SLIT3: variants seen among roughly 807,000 people sequenced by gnomAD.
SLIT3 encodes the protein slit guidance ligand 3.
Under a neutral mutation model 184.0 loss-of-function variants are expected in SLIT3, and 68 were observed. The ratio of observed to expected loss-of-function variants is 0.37; its 90% CI spans 0.30 to 0.45. The LOEUF (loss-of-function observed/expected upper bound fraction) is 0.45, where lower values mean the gene tolerates loss of function less well. SLIT3 is among the 20% of genes least tolerant of loss of function. The pLI, the probability that SLIT3 is intolerant of heterozygous loss-of-function variation, is 1.00. For synonymous variants in SLIT3, 831 were observed against 828.6 expected (o/e 1.00, Z -0.05); for missense variants, 1,707 against 2,026.0 (o/e 0.84, Z 3.02).
At chr5:168,717,777 C>T (rs1762789982) in intron 23 of SLIT3, among the ~76,000 whole-genome samples, 1 of 151,838 alleles carries the variant, frequency 6.6e-6, no homozygotes, top group African/African-American at 2.4e-5. Flanking sequence ...TCTGCTGCCT[C>T]AGCCTCCCAA....
chr5:169,223,626 T>A (rs1202911188), intron 3 of SLIT3, among the ~76,000 whole-genome samples: 1 of 152,190 alleles, frequency 6.6e-6, no homozygotes, highest in Non-Finnish European at 1.5e-5. Flanking sequence ...TCAGTAAGCA[T>A]CACACTGGAG....
In SLIT3 at chr5:168,949,812, A is replaced by G. The variant is rs114811987; in HGVS notation, c.414-66476T>C. On this transcript the variant is annotated intron_variant, in intron 4 of 35. Transcript: ENST00000519560. ...TCACTATGTTACTCAGGATGGTCTC[A>G]AAGTCCTGGACTCAAGTGATCCACC... 2.9e-3 allele frequency among the ~76,000 whole-genome samples: 435 copies of G among 152,212 alleles called. 2 individuals carry two copies. The highest frequency in any genetic ancestry group is 9.9e-3 in the African/African-American group (413 of 41,544).
chr5:168,999,136 G>A (rs1190210294), intron 4 of SLIT3, among the ~76,000 whole-genome samples: 7 of 152,018 alleles, frequency 4.6e-5, no homozygotes, highest in African/African-American at 1.4e-4. Flanking sequence ...GGCTGGTGTC[G>A]AATTCCTGGG....
intron 8 of SLIT3, 41 bp downstream of exon 8, chr5:168,817,259 G>A: frequency 1.3e-6 from 2 of 1,595,678 alleles, no homozygotes; most frequent in Non-Finnish European, 1.7e-6. Context: ...TGGGTGGGTG[G>A]GTCATAGCAC....
intron 11 of SLIT3, among the ~76,000 whole-genome samples, chr5:168,788,676 T>C (rs1317217790): frequency 6.6e-6 from 1 of 151,846 alleles, no homozygotes; most frequent in Non-Finnish European, 1.5e-5. Context: ...CAGATAATAA[T>C]CCCTGTCTCG....
chr5:168,743,913 C>T (rs1267727592), intron 20 of SLIT3, among the ~76,000 whole-genome samples: 2 of 152,222 alleles, frequency 1.3e-5, no homozygotes, highest in Non-Finnish European at 2.9e-5. Context: ...CCCTAACTCT[C>T]CTTAATTCCG....
chr5:168,898,441 A>T (rs529445053), intron 4 of SLIT3, among the ~76,000 whole-genome samples: 28 of 151,708 alleles, frequency 1.8e-4, no homozygotes, highest in Non-Finnish European at 2.9e-4. Flanking sequence ...CTTCTCTTAA[A>T]GCAGAAAGCA....
chr5:168,985,109 C>T (rs1464053803), intron 4 of SLIT3, among the ~76,000 whole-genome samples: 2 of 152,188 alleles, frequency 1.3e-5, no homozygotes, highest in Non-Finnish European at 2.9e-5. Flanking sequence ...CATGAATTCT[C>T]TAAGATCAGG....
chr5:168,895,434 A>G (rs1298006759), intron 4 of SLIT3, among the ~76,000 whole-genome samples: 1 of 152,160 alleles, frequency 6.6e-6, no homozygotes, highest in African/African-American at 2.4e-5. Flanking sequence ...AGACCATTAA[A>G]CAAGTGAAAC....
intron 4 of SLIT3, among the ~76,000 whole-genome samples, chr5:169,142,545 TG>T (rs1561693612): frequency 6.6e-6 from 1 of 152,174 alleles, no homozygotes; most frequent in Admixed American, 6.5e-5. Flanking sequence ...GAGTATAAAC[TG>T]GGACTCCTGG....
chr5:169,031,484 A>C (rs969736369), intron 4 of SLIT3, among the ~76,000 whole-genome samples: 4 of 152,204 alleles, frequency 2.6e-5, no homozygotes, highest in Admixed American at 6.5e-5. Flanking sequence ...AAGAGCAAGG[A>C]GTGGGGTCTC....
At chr5:169,235,007 C>T (rs1765145868) in intron 3 of SLIT3, among the ~76,000 whole-genome samples, 1 of 152,132 alleles carries the variant, frequency 6.6e-6, no homozygotes, top group African/African-American at 2.4e-5. Flanking sequence ...TTTGTTTTGA[C>T]CCCTCAGAGT....
chr5:168,691,193 A>G (rs1375930409), intron 29 of SLIT3, among the ~76,000 whole-genome samples: 1 of 152,136 alleles, frequency 6.6e-6, no homozygotes, highest in African/African-American at 2.4e-5. Flanking sequence ...TCCAATCCCC[A>G]CTATACTCCA....
intron 4 of SLIT3, among the ~76,000 whole-genome samples, chr5:168,982,290 T>C (rs1027694618): frequency 6.6e-6 from 1 of 152,194 alleles, no homozygotes; most frequent in Non-Finnish European, 1.5e-5. Context: ...CAGGTTATCA[T>C]AGGAGTGGGA....
intron 3 of SLIT3, among the ~76,000 whole-genome samples, chr5:169,198,957 C>CAA (rs1763826637): frequency 7.0e-6 from 1 of 142,610 alleles, no homozygotes; most frequent in Admixed American, 7.5e-5. Flanking sequence ...AAACTATACA[C>CAA]ACACACACAC....
intron 1 of SLIT3, among the ~76,000 whole-genome samples, chr5:169,282,875 G>A (rs1767036857): frequency 1.3e-5 from 2 of 152,156 alleles, no homozygotes; most frequent in African/African-American, 4.8e-5. Context: ...CTGTACATCA[G>A]AAACACCTGC....
chr5:168,749,604 A>G lies in SLIT3; in HGVS notation c.2005T>C (p.Cys669Arg). Residue 669 changes from cysteine (C) to arginine (R), a missense_variant, in exon 19 of 36, where the codon TGC becomes CGC. This residue lies in a region of SLIT3 where 1,307 missense variants were observed against 1,511.6 expected (regional missense o/e 0.86). Transcript: ENST00000519560. ...CACTTGCCGAGCCAGGCCAGGTGGC[A>G]GTTGCAGTTGAAGGGGTTGGACAGG... ...NLLSNPFNCN[C>R]HLAWLGKWLR... The G allele has an allele frequency of 6.2e-7, 1 of 1,614,162 alleles. No homozygotes were observed. Among genetic ancestry groups the G allele is most frequent in the Non-Finnish European group, 8.5e-7 (1 of 1,180,010 alleles).
chr5:168,667,124 CAAG>C (rs1561863956), intron 35 of SLIT3, among the ~76,000 whole-genome samples: 1 of 152,104 alleles, frequency 6.6e-6, no homozygotes, highest in Non-Finnish European at 1.5e-5. Flanking sequence ...TCCTTGAAAA[CAAG>C]GAGGTCTGGC....
chr5:169,147,481 A>T (rs1346268705), intron 4 of SLIT3, among the ~76,000 whole-genome samples: 1 of 152,078 alleles, frequency 6.6e-6, no homozygotes, highest in African/African-American at 2.4e-5. Flanking sequence ...GGATGGTCTC[A>T]ATCTCCTGAC....
Sources: gnomAD v4.1 joint callset for allele counts (sites outside exome capture counted in the v4.1 genomes callset) on GRCh38, gnomAD v4.1.1 for gene constraint, gnomAD v4.1.1 regional missense constraint, MANE v1.5 for transcripts, NCBI Gene and HGNC (gene_info 2026-07-23, HGNC 2026-07-21) for gene names.